The following LMX1A variants were observed in gnomAD, a reference collection of about 807,000 sequenced individuals.
The protein encoded by LMX1A is LIM homeobox transcription factor 1-alpha.
In LMX1A, 15 loss-of-function variants were observed where a neutral mutation model predicts 49.1. The ratio of observed to expected loss-of-function variants is 0.31; its 90% CI spans 0.20 to 0.47. The LOEUF is 0.47. LMX1A is among the 20% of genes least tolerant of loss of function. The pLI is 1.00. For missense variants in LMX1A, 372 were observed against 475.8 expected (o/e 0.78, Z 2.03); for synonymous variants, 167 against 185.7 (o/e 0.90, Z 0.82).
chr1:165,301,922 G>A (rs1326423020), intron 3 of LMX1A, among the ~76,000 whole-genome samples: 1 of 151,948 alleles, frequency 6.6e-6, no homozygotes, highest in East Asian at 1.9e-4. Context: ...TGGGGGTGGG[G>A]GGAATATCAA....
At chr1:165,329,425 GCC>G (rs1655675741) in intron 3 of LMX1A, among the ~76,000 whole-genome samples, 1 of 101,276 alleles carries the variant, frequency 9.9e-6, no homozygotes, top group Admixed American at 1.1e-4. Flanking sequence ...GCAAGACAGG[GCC>G]TCTCTGTTCC....
In LMX1A at chr1:165,312,653, T is replaced by C. The variant is rs1655108281; in HGVS notation, c.263+40423A>G. On this transcript the variant is annotated intron_variant, in intron 3 of 8. Coordinates refer to ENST00000342310, the MANE Select transcript of LMX1A (RefSeq NM_177398.4). Reference sequence around the variant, plus strand: ...CAGATGGAGAGGAAATAAGATCCCCTAGCCAACATCCCCAGCCGAGCTCCC... The same window carrying C: ...CAGATGGAGAGGAAATAAGATCCCCCAGCCAACATCCCCAGCCGAGCTCCC... Among the ~76,000 whole-genome samples, 5 of 152,324 alleles carry C rather than the reference T, an allele frequency of 3.3e-5. No individual in the cohort carries two copies. In the South Asian group the frequency reaches 1.0e-3, roughly 32 times the overall value.
intron 3 of LMX1A, among the ~76,000 whole-genome samples, chr1:165,303,390 G>A (rs1314711535): frequency 6.6e-6 from 1 of 152,202 alleles, no homozygotes; most frequent in African/African-American, 2.4e-5. Context: ...TGTGCTGGGG[G>A]CTGGGAACGC....
chr1:165,285,570 C>T (rs1365813859), intron 3 of LMX1A, among the ~76,000 whole-genome samples: 3 of 152,188 alleles, frequency 2.0e-5, no homozygotes, highest in African/African-American at 4.8e-5. Context: ...AAGGTGAACA[C>T]ATGCTTATGG....
At chr1:165,245,905 T>G (rs1164479613) in intron 4 of LMX1A, among the ~76,000 whole-genome samples, 1 of 151,752 alleles carries the variant, frequency 6.6e-6, no homozygotes, top group African/African-American at 2.4e-5. Context: ...CCCTGCCAGG[T>G]TTGTGTCATC....
intron 6 of LMX1A, among the ~76,000 whole-genome samples, chr1:165,210,344 T>C: frequency 6.6e-6 from 1 of 152,244 alleles, no homozygotes; most frequent in East Asian, 1.9e-4. Flanking sequence ...GGACCAGTTA[T>C]ATGCATGCTA....
At chr1:165,288,162 C>T (rs542179284) in intron 3 of LMX1A, among the ~76,000 whole-genome samples, 3 of 152,274 alleles carry the variant, frequency 2.0e-5, no homozygotes, top group Middle Eastern at 3.4e-3. Flanking sequence ...ATATTTATGC[C>T]CTTCCCAAGG....
At position 165,204,128 on chromosome 1, in the gene LMX1A, T is replaced by C. The variant is rs968273160; in HGVS notation, c.989-88A>G. ...ATATTCAGCTGAATTCAACAAGTGT[T>C]GCCTGAGCACAGGCTCCAGGTGAAA... On this transcript the variant is annotated intron_variant, in intron 8 of 8. Coordinates refer to ENST00000342310, the MANE Select transcript of LMX1A (RefSeq NM_177398.4). 4.9e-6 allele frequency: 7 copies of C among 1,416,366 alleles called. No homozygotes were observed. In the Admixed American group the frequency reaches 1.3e-4, roughly 26 times the overall value. The allele number at this position is 1,416,366 out of a possible 1,614,324, so 87.7% of individuals were successfully genotyped here.
chr1:165,254,690 A>C (rs558604498), intron 3 of LMX1A, among the ~76,000 whole-genome samples: 1 of 152,226 alleles, frequency 6.6e-6, no homozygotes, highest in South Asian at 2.1e-4. Flanking sequence ...TCATAATTAA[A>C]ACACAGCCTG....
At chr1:165,236,259 G>A (rs1410937354) in intron 4 of LMX1A, among the ~76,000 whole-genome samples, 2 of 152,152 alleles carry the variant, frequency 1.3e-5, no homozygotes, top group Non-Finnish European at 2.9e-5. Context: ...CTGGGTTAGG[G>A]CCAAGCCCGC....
intron 3 of LMX1A, among the ~76,000 whole-genome samples, chr1:165,306,622 A>C (rs1024457201): frequency 1.3e-5 from 2 of 152,198 alleles, no homozygotes; most frequent in African/African-American, 2.4e-5. Flanking sequence ...GAAAAGCTCA[A>C]CTTGATTGCT....
At chr1:165,215,153 T>C (rs1651596082) in intron 4 of LMX1A, among the ~76,000 whole-genome samples, 2 of 151,942 alleles carry the variant, frequency 1.3e-5, no homozygotes, top group African/African-American at 2.4e-5. Context: ...CTACTAAAAA[T>C]ACAAAAAATT....
At chr1:165,233,252 C>A (rs1376931523) in intron 4 of LMX1A, among the ~76,000 whole-genome samples, 1 of 152,090 alleles carries the variant, frequency 6.6e-6, no homozygotes, top group Non-Finnish European at 1.5e-5. Context: ...CCTACGCATT[C>A]AAGACCAGCC....
At position 165,356,503 on chromosome 1, in the gene LMX1A, A is replaced by C. The variant is rs1389285318; in HGVS notation, c.-171T>G. 6.6e-6 allele frequency: 1 copy of C among 151,764 alleles called. No homozygotes were observed. The highest frequency in any genetic ancestry group is 2.0e-4 in the East Asian group (1 of 5,092). The allele number at this position is 151,764 out of a possible 1,614,324, so 9.4% of individuals were successfully genotyped here. On this transcript the variant is annotated 5_prime_UTR_variant, in exon 1 of 9. Coordinates refer to ENST00000342310, the MANE Select transcript of LMX1A (RefSeq NM_177398.4). ...AGCGCCGGGGAGGGAGCCGGAGCGA[A>C]CGCCGGCCGCTGGCTCTGCTCCTCG... is the stretch of plus-strand genomic sequence containing the variant.
chr1:165,320,068 A>C (rs1557883750), intron 3 of LMX1A, among the ~76,000 whole-genome samples: 1 of 152,182 alleles, frequency 6.6e-6, no homozygotes, highest in Non-Finnish European at 1.5e-5. Context: ...CCTAGTGAAG[A>C]AGTAAAAATG....
chr1:165,316,989 A>G (rs1655248944), intron 3 of LMX1A, among the ~76,000 whole-genome samples: 1 of 152,226 alleles, frequency 6.6e-6, no homozygotes, highest in African/African-American at 2.4e-5. Flanking sequence ...AAAAAACCCA[A>G]AAGATAGGAT....
At position 165,355,752 on chromosome 1, in the gene LMX1A, G is replaced by A; in HGVS notation, c.-22-171C>T. 1.6e-6 allele frequency: 1 copy of A among 608,048 alleles called. No individual in the cohort carries two copies. The highest frequency in any genetic ancestry group is 2.9e-6 in the Non-Finnish European group (1 of 340,510). 37.7% of individuals were successfully genotyped at this position (608,048 alleles called of 1,614,324 possible). A position where few individuals can be genotyped will look rare whatever the true frequency, so the allele number is the denominator to read the frequency against. ...AGGGTGGGAGGAGAGATCAGTCACA[G>A]CGAACTGCTCTGGCTGATCTGATTT... On this transcript the variant is annotated intron_variant, in intron 1 of 8. Transcript: ENST00000342310. This position sits in a 1 kb window ranked among gnomAD's most constrained non-coding sequence, Gnocchi z 4.7.
At chr1:165,216,305 T>G (rs1284847179) in intron 4 of LMX1A, among the ~76,000 whole-genome samples, 1 of 152,212 alleles carries the variant, frequency 6.6e-6, no homozygotes. Flanking sequence ...AGCCATTGAC[T>G]GCACAGATTT....
chr1:165,208,926 CG>C (rs964246723), intron 6 of LMX1A, among the ~76,000 whole-genome samples: 7 of 152,296 alleles, frequency 4.6e-5, no homozygotes, highest in African/African-American at 1.4e-4. Flanking sequence ...GGATTACAAG[CG>C]TGAGCCACCA....
Sources: allele counts gnomAD v4.1 joint callset (sites outside exome capture counted in the v4.1 genomes callset), GRCh38; gene constraint gnomAD v4.1.1; non-coding constraint Gnocchi (gnomAD v3.1); transcripts MANE v1.5; gene names NCBI Gene and HGNC (gene_info 2026-07-23, HGNC 2026-07-21).